WDR25: variants seen among roughly 807,000 people sequenced by gnomAD.
WDR25 encodes WD repeat-containing protein 25.
In WDR25, 35 loss-of-function variants were observed where a neutral mutation model predicts 47.7. The observed-to-expected ratio is 0.73, with a 90% CI of 0.56 to 0.97. The LOEUF (loss-of-function observed/expected upper bound fraction) is 0.97. WDR25 is among the 50% of genes least tolerant of loss of function. WDR25 has a pLI of 0.00. For missense variants in WDR25, 634 were observed against 704.7 expected (o/e 0.90, Z 1.14); for synonymous variants, 248 against 278.9 (o/e 0.89, Z 1.10).
intron 2 of WDR25, among the ~76,000 whole-genome samples, chr14:100,402,727 C>T (rs991361107): frequency 2.0e-5 from 3 of 152,222 alleles, no homozygotes; most frequent in Non-Finnish European, 2.9e-5. Context: ...GTCCCCCAAA[C>T]TCTTCCTGCA....
At chr14:100,444,596 G>C (rs184003259) in intron 2 of WDR25, among the ~76,000 whole-genome samples, 4 of 152,298 alleles carry the variant, frequency 2.6e-5, no homozygotes, top group Admixed American at 2.6e-4. Context: ...GGCAGATGAA[G>C]TGCCTCTGAT....
chr14:100,407,086 A>AG lies in WDR25; in HGVS notation c.822+25341dup, dbSNP rs1222081898. 6.6e-6 allele frequency: 1 copy of AG among 152,414 alleles called. No homozygotes were observed. Among genetic ancestry groups the AG allele is most frequent in the African/African-American group, 2.4e-5 (1 of 41,602 alleles). The allele number at this position is 152,414 out of a possible 1,614,324, so 9.4% of individuals were successfully genotyped here. ...GAGCCCAGAAGACAAAGGTCGCTGA[A>AG]GTCCTTCCAGGAGAAGAAGATCAAT... is the stretch of plus-strand genomic sequence containing the variant. On this transcript the variant is annotated intron_variant, in intron 2 of 6. Transcript: ENST00000402312. This position sits in a 1 kb window ranked among gnomAD's most constrained non-coding sequence, Gnocchi z 4.1.
intron 1 of WDR25, 38 bp downstream of exon 1, chr14:100,376,533 C>T: frequency 8.1e-7 from 1 of 1,232,030 alleles, no homozygotes. Context: ...GCTGGAGGGG[C>T]CGGGACTGGG....
At chr14:100,475,309 G>A (rs1179784809) in intron 3 of WDR25, among the ~76,000 whole-genome samples, 1 of 152,194 alleles carries the variant, frequency 6.6e-6, no homozygotes, top group Non-Finnish European at 1.5e-5. Context: ...ATCGGTGTGT[G>A]GAAGGGATCT....
intron 3 of WDR25, among the ~76,000 whole-genome samples, chr14:100,479,858 G>A (rs1394416903): frequency 6.6e-6 from 1 of 152,096 alleles, no homozygotes; most frequent in African/African-American, 2.4e-5. Context: ...ATTCTCATAC[G>A]AACGGAGCCC....
intron 2 of WDR25, among the ~76,000 whole-genome samples, chr14:100,387,320 G>A (rs1051281233): frequency 1.3e-5 from 2 of 152,048 alleles, no homozygotes; most frequent in African/African-American, 2.4e-5. Context: ...TCTTTTCATT[G>A]TCTCTATGCA....
At chr14:100,462,599 G>A (rs8011275) in intron 2 of WDR25, among the ~76,000 whole-genome samples, 10,396 of 152,238 alleles carry the variant, frequency 0.068, 886 homozygotes, top group African/African-American at 0.2. Context: ...TTCAGGGGGA[G>A]CTTGTCAGAC....
At chr14:100,511,166 T>A (rs1301044126) in intron 4 of WDR25, among the ~76,000 whole-genome samples, 1 of 152,212 alleles carries the variant, frequency 6.6e-6, no homozygotes, top group African/African-American at 2.4e-5. Context: ...CCCATAAGCA[T>A]AGTATACTTC....
In WDR25 at chr14:100,385,317, C is replaced by T. The variant is rs117278184; in HGVS notation, c.822+3571C>T. Among the ~76,000 whole-genome samples, 24 of 152,298 alleles carry T rather than the reference C, an allele frequency of 1.6e-4. No individual in the cohort carries two copies. In the East Asian group the frequency reaches 4.1e-3, roughly 26 times the overall value. The stretch of plus-strand genomic sequence containing the variant: ...GTCTTTTGAGTGGATAAATCATATT[C>T]GCCACTAGGGTGCACAGTAAGACTT... On this transcript the variant is annotated intron_variant, in intron 2 of 6. Coordinates refer to ENST00000402312, the MANE Select transcript of WDR25 (RefSeq NM_001161476.3).
At chr14:100,493,674 T>G (rs1900638629) in intron 4 of WDR25, among the ~76,000 whole-genome samples, 1 of 152,154 alleles carries the variant, frequency 6.6e-6, no homozygotes, top group Non-Finnish European at 1.5e-5. Context: ...AGGGTTCACT[T>G]TTGATGTTGT....
In WDR25 at chr14:100,396,436, A is replaced by G. The variant is rs148526786; in HGVS notation, c.822+14690A>G. On this transcript the variant is annotated intron_variant, in intron 2 of 6. Coordinates refer to ENST00000402312, the MANE Select transcript of WDR25 (RefSeq NM_001161476.3). Reference sequence around the variant, plus strand: ...CTATTAAAGCAAGACAGACCATGAAAAGCCACCCCAAAAGGAGAAGGAAGC... The same window carrying G: ...CTATTAAAGCAAGACAGACCATGAAGAGCCACCCCAAAAGGAGAAGGAAGC... 7.4e-3 allele frequency among the ~76,000 whole-genome samples: 1,125 copies of G among 152,348 alleles called. 16 individuals are homozygous for G. Among genetic ancestry groups the G allele is most frequent in the African/African-American group, 0.025 (1,020 of 41,570 alleles).
chr14:100,377,860 A>G (rs1306640984), intron 1 of WDR25, among the ~76,000 whole-genome samples: 1 of 152,180 alleles, frequency 6.6e-6, no homozygotes, highest in East Asian at 1.9e-4. Context: ...GCTGTCTGGA[A>G]TGACTTAGAA....
intron 2 of WDR25, among the ~76,000 whole-genome samples, chr14:100,416,995 G>A (rs1165840385): frequency 2.0e-5 from 3 of 152,340 alleles, no homozygotes; most frequent in Middle Eastern, 3.4e-3. Context: ...GAGATCTTGC[G>A]TGGATGATTC....
rs1486199845 is a variant in WDR25 at position 100,428,573 on chromosome 14, C to T, written c.823-39448C>T. On this transcript the variant is annotated intron_variant, in intron 2 of 6. Transcript: ENST00000402312. This position sits in a 1 kb window ranked among gnomAD's most constrained non-coding sequence, Gnocchi z 4.3. ...CCCCTGTGGTGGTCCCTGTTGATGCCGACCTGCTAGCCTGCTCCATGCTGT... is the reference window on the plus strand; with the variant it reads ...CCCCTGTGGTGGTCCCTGTTGATGCTGACCTGCTAGCCTGCTCCATGCTGT... Among the ~76,000 whole-genome samples the T allele has an allele frequency of 6.6e-6, 1 of 152,146 alleles. No individual in the cohort carries two copies. The highest frequency in any genetic ancestry group is 2.4e-5 in the African/African-American group (1 of 41,428).
intron 2 of WDR25, among the ~76,000 whole-genome samples, chr14:100,464,380 A>C (rs1347876267): frequency 6.6e-6 from 1 of 152,038 alleles, no homozygotes; most frequent in African/African-American, 2.4e-5. Context: ...TTCAGTCTTC[A>C]CCACTGCCTT....
At chr14:100,520,835 C>T (rs942273862) in intron 4 of WDR25, among the ~76,000 whole-genome samples, 10 of 152,114 alleles carry the variant, frequency 6.6e-5, no homozygotes, top group Non-Finnish European at 1.3e-4. Context: ...CTGTTGTTAC[C>T]CCTACTTTAC....
At chr14:100,520,294 A>G (rs1262890701) in intron 4 of WDR25, among the ~76,000 whole-genome samples, 1 of 152,024 alleles carries the variant, frequency 6.6e-6, no homozygotes, top group Non-Finnish European at 1.5e-5. Context: ...TTAGGATTAC[A>G]GAATTTTCTT....
chr14:100,512,890 T>C (rs1901354881), intron 4 of WDR25, among the ~76,000 whole-genome samples: 1 of 152,214 alleles, frequency 6.6e-6, no homozygotes, highest in Admixed American at 6.5e-5. Context: ...TTGGGAACTT[T>C]TCAGATGCCT....
intron 4 of WDR25, among the ~76,000 whole-genome samples, chr14:100,503,166 G>T (rs2140351739): frequency 6.6e-6 from 1 of 151,990 alleles, no homozygotes; most frequent in Middle Eastern, 3.4e-3. Context: ...CCATTTTTAG[G>T]TTGTGACCCA....
Sources: gnomAD v4.1 joint callset for allele counts (sites outside exome capture counted in the v4.1 genomes callset) on GRCh38, gnomAD v4.1.1 for gene constraint, Gnocchi (gnomAD v3.1) non-coding constraint, MANE v1.5 for transcripts, NCBI Gene and HGNC (gene_info 2026-07-23, HGNC 2026-07-21) for gene names.